Variants in TRIM11 observed in about 807,000 individuals in gnomAD.
TRIM11 encodes the protein tripartite motif containing 11.
In TRIM11, 15 loss-of-function variants were observed where a neutral mutation model predicts 33.4. That is an observed-to-expected ratio of 0.45 (90% CI 0.30 to 0.69). TRIM11 has a LOEUF of 0.69. TRIM11 is among the 30% of genes least tolerant of loss of function. The probability of loss-of-function intolerance (pLI) is 0.08; values close to 1 mark genes in which losing one functional copy is unlikely to be tolerated. For missense variants in TRIM11, 499 were observed against 667.6 expected, an observed-to-expected ratio of 0.75 and a Z score of 2.78; for synonymous variants, 281 against 302.6, an observed-to-expected ratio of 0.93 and a Z score of 0.74.
chr1:228,405,922 G>A, intron 1 of TRIM11: 1 of 417,854 alleles, frequency 2.4e-6, no homozygotes. Context: ...TCTCATTGGC[G>A]GCCATGGTCC....
rs1041310746 is a variant in TRIM11 at position 228,394,007 on chromosome 1, G to T, written c.*698C>A. On this transcript the variant is annotated 3_prime_UTR_variant, in exon 6 of 6. Coordinates refer to ENST00000284551, the MANE Select transcript of TRIM11 (RefSeq NM_145214.3). The surrounding 1 kb of genome is among the most constrained non-coding windows in gnomAD (Gnocchi z 6.2). ...ACGAAAGCTTCAAGTCAGAACGTGGGCCTGCAAAAGACATTTCTGGGCTCT... is the reference window on the plus strand; with the variant it reads ...ACGAAAGCTTCAAGTCAGAACGTGGTCCTGCAAAAGACATTTCTGGGCTCT... The T allele has an allele frequency of 2.6e-5, 4 of 152,234 alleles. No individual in the cohort carries two copies. The highest frequency in any genetic ancestry group is 9.6e-5 in the African/African-American group (4 of 41,452). The allele number at this position is 152,234 out of a possible 1,614,324, so 9.4% of individuals were successfully genotyped here.
At chr1:228,396,557 C>A in intron 5 of TRIM11, 1 of 635,668 alleles carries the variant, frequency 1.6e-6, no homozygotes. Flanking sequence ...ATGCTCACAT[C>A]TGCAGAGGCG....
In TRIM11 at chr1:228,395,258, G is replaced by A; in HGVS notation, c.860-6C>T. 2.1e-6 allele frequency: 3 copies of A among 1,450,688 alleles called. No individual in the cohort carries two copies. The highest frequency in any genetic ancestry group is 2.7e-6 in the Non-Finnish European group (3 of 1,106,286). 89.9% of individuals were successfully genotyped at this position (1,450,688 alleles called of 1,614,324 possible). ...CGGGTCCAAGGTCACGTCCCCTGCA[G>A]AGAGAGGCCCAAGGTCACCCAGGCA... is the stretch of plus-strand genomic sequence containing the variant. On this transcript the variant is annotated splice_polypyrimidine_tract_variant and splice_region_variant and intron_variant, in intron 5 of 5. Transcript: ENST00000284551. This position sits in a 1 kb window ranked among gnomAD's most constrained non-coding sequence, Gnocchi z 4.8.
chr1:228,394,753 A>G lies in TRIM11; in HGVS notation c.1359T>C (p.Thr453=). 6.2e-7 allele frequency: 1 copy of G among 1,612,808 alleles called. No homozygotes were observed. The highest frequency in any genetic ancestry group is 8.5e-7 in the Non-Finnish European group (1 of 1,179,180). ...SPLSSSPTPM[T]ICRPKGGSGD... ...CGGACCCACCTTTCGGCCGGCAGAT[A>G]GTCATCGGGGTCGGGCTGCTGGACA... The change falls in exon 6 of 6, where the codon ACT becomes ACC. Residue 453 remains threonine, a synonymous_variant. Coordinates refer to ENST00000284551, the MANE Select transcript of TRIM11 (RefSeq NM_145214.3). The surrounding 1 kb of genome is among the most constrained non-coding windows in gnomAD (Gnocchi z 6.2).
chr1:228,399,878 A>AC (rs1303831247), intron 3 of TRIM11, among the ~76,000 whole-genome samples: 1 of 45,652 alleles, frequency 2.2e-5, no homozygotes, highest in Non-Finnish European at 4.8e-5. Flanking sequence ...CCTTAAATCT[A>AC]CAAAAAAAAA....
rs1474979380 is a variant in TRIM11, at chr1:228,400,141, C to A, written c.735+823G>T. Among the ~76,000 whole-genome samples, 1 of 152,200 alleles carries A rather than the reference C, an allele frequency of 6.6e-6. No individual in the cohort carries two copies. Among genetic ancestry groups the A allele is most frequent in the Non-Finnish European group, 1.5e-5 (1 of 68,034 alleles). ...TCTCCTCTGTGGGAGCCAGAATTGC[C>A]CAGGGGCCCATTTCCCTCTGAATCT... On this transcript the variant is annotated intron_variant, in intron 3 of 5. Transcript: ENST00000284551. The surrounding 1 kb of genome is among the most constrained non-coding windows in gnomAD (Gnocchi z 4.5).
rs2074971885 is a variant in TRIM11 at position 228,395,158 on chromosome 1, C to T, written c.954G>A (p.Leu318=). ...SVQRGDLRQA[L]PDSPERFDPG... ...GGTCAAAGCGCTCTGGGCTGTCCGG[C>T]AGGGCCTGCCGTAGGTCCCCCCGCT... Residue 318 remains leucine, a synonymous_variant, in exon 6 of 6, where the codon CTG becomes CTA. Coordinates refer to ENST00000284551, the MANE Select transcript of TRIM11 (RefSeq NM_145214.3). The surrounding 1 kb of genome is among the most constrained non-coding windows in gnomAD (Gnocchi z 4.8). 6.6e-7 allele frequency: 1 copy of T among 1,511,070 alleles called. No homozygotes were observed. The highest frequency in any genetic ancestry group is 2.4e-5 in the East Asian group (1 of 41,884). 93.6% of individuals were successfully genotyped at this position (1,511,070 alleles called of 1,614,324 possible).
rs930379202 is a variant in TRIM11 at position 228,406,030 on chromosome 1, G to A, written c.408+124C>T. The stretch of plus-strand genomic sequence containing the variant: ...ACAGGCCCACAGCAGGCTGCATCCT[G>A]AGCTCCCCGCCCTAGACAGAGACAG... On this transcript the variant is annotated intron_variant, in intron 1 of 5. Transcript: ENST00000284551. This position sits in a 1 kb window ranked among gnomAD's most constrained non-coding sequence, Gnocchi z 8.2. 21 of 1,159,918 alleles carry A rather than the reference G, an allele frequency of 1.8e-5. No individual in the cohort carries two copies. In the African/African-American group the frequency reaches 2.9e-4, roughly 16 times the overall value. The allele number at this position is 1,159,918 out of a possible 1,614,324, so 71.9% of individuals were successfully genotyped here.
In TRIM11 at chr1:228,396,950, G is replaced by C. The variant is rs766676077; in HGVS notation, c.856C>G (p.Arg286Gly). The change falls in exon 5 of 6, where the codon CGA becomes GGA. Residue 286 changes from arginine (R) to glycine (G), a missense_variant. By Grantham distance (125) the Arg-to-Gly change is moderately radical. Transcript: ENST00000284551. Reference protein sequence around the residue: ...PGLVETLRRFRGDVTLDPDTA... With the variant: ...PGLVETLRRFGGDVTLDPDTA... Reference sequence around the variant, plus strand: ...CACCTGGGGCCTCCACACCTACCTCGAAACCTCCGCAGTGTCTCTACCAGT... The same window carrying C: ...CACCTGGGGCCTCCACACCTACCTCCAAACCTCCGCAGTGTCTCTACCAGT... The C allele has an allele frequency of 2.5e-6, 4 of 1,613,854 alleles. No individual in the cohort carries two copies. Among genetic ancestry groups the C allele is most frequent in the Non-Finnish European group, 3.4e-6 (4 of 1,179,962 alleles).
chr1:228,397,927 C>G (rs1038613249), intron 3 of TRIM11, among the ~76,000 whole-genome samples: 6 of 152,200 alleles, frequency 3.9e-5, no homozygotes, highest in African/African-American at 1.4e-4. Context: ...CATCTACAGG[C>G]CCAAGAGATA....
chr1:228,400,627 G>A lies in TRIM11; in HGVS notation c.735+337C>T, dbSNP rs945093608. On this transcript the variant is annotated intron_variant, in intron 3 of 5. Transcript: ENST00000284551. This position sits in a 1 kb window ranked among gnomAD's most constrained non-coding sequence, Gnocchi z 4.5. ...GGGAGGCCCAAGGTGGTCCCAGCGA[G>A]CACATGCCCACTCTGCTGTGCCCAC... Among the ~76,000 whole-genome samples, 1 of 152,202 alleles carries A rather than the reference G, an allele frequency of 6.6e-6. No homozygotes were observed. The highest frequency in any genetic ancestry group is 1.9e-4 in the East Asian group (1 of 5,196).
rs767860709 is a variant in TRIM11 at position 228,397,053 on chromosome 1, G to A, written c.759-6C>T. ...GCAGCTTCACATCCTGGACCCTAGAGGGGACAACCCAGGTGTTGTCGCCAT... is the reference window on the plus strand; with the variant it reads ...GCAGCTTCACATCCTGGACCCTAGAAGGGACAACCCAGGTGTTGTCGCCAT... On this transcript the variant is annotated splice_polypyrimidine_tract_variant and splice_region_variant and intron_variant, in intron 4 of 5. Coordinates refer to ENST00000284551, the MANE Select transcript of TRIM11 (RefSeq NM_145214.3). 4 of 1,613,798 alleles carry A rather than the reference G, an allele frequency of 2.5e-6. No individual in the cohort carries two copies. Among genetic ancestry groups the A allele is most frequent in the Admixed American group, 3.3e-5 (2 of 59,970 alleles).
intron 5 of TRIM11, chr1:228,396,570 G>A: frequency 1.5e-6 from 1 of 647,906 alleles, no homozygotes; most frequent in East Asian, 2.7e-5. Flanking sequence ...CAGAGGCGCT[G>A]AGGGAACAGA....
chr1:228,399,685 C>T (rs2075015030), intron 3 of TRIM11, among the ~76,000 whole-genome samples: 1 of 152,016 alleles, frequency 6.6e-6, no homozygotes, highest in Non-Finnish European at 1.5e-5. Context: ...CTCAGTCTTT[C>T]TACAGACGCT....
Position 228,403,920 on chromosome 1 carries a change from G to C in TRIM11, c.409-1759C>G. On this transcript the variant is annotated intron_variant, in intron 1 of 5. Transcript: ENST00000284551. This position sits in a 1 kb window ranked among gnomAD's most constrained non-coding sequence, Gnocchi z 4.8. Reference sequence around the variant, plus strand: ...TCCGCCCACCTCGGCCTCCCAAATTGCTGGGATTACAGGCGTGAGCCACCA... The same window carrying C: ...TCCGCCCACCTCGGCCTCCCAAATTCCTGGGATTACAGGCGTGAGCCACCA... The C allele has an allele frequency of 6.6e-6, 1 of 152,370 alleles. No homozygotes were observed. The highest frequency in any genetic ancestry group is 1.5e-5 in the Non-Finnish European group (1 of 68,080). 9.4% of individuals were successfully genotyped at this position (152,370 alleles called of 1,614,324 possible).
In TRIM11 at chr1:228,402,104, A is replaced by C; in HGVS notation, c.466T>G (p.Phe156Val). 6.2e-7 allele frequency: 1 copy of C among 1,613,212 alleles called. No individual in the cohort carries two copies. The highest frequency in any genetic ancestry group is 1.3e-5 in the African/African-American group (1 of 74,984). ...LRKQMQDALL[F>V]QAQADETCVL... ...CAGGTCTCATCCGCCTGGGCTTGGA[A>C]CAGCAACGCATCCTGCATCTGCTTC... Residue 156 changes from phenylalanine (F) to valine (V), a missense_variant, in exon 2 of 6, where the codon TTC (phenylalanine) becomes GTC (valine). By Grantham distance (50) the Phe-to-Val change is conservative (BLOSUM62 -1). Transcript: ENST00000284551.
intron 3 of TRIM11, among the ~76,000 whole-genome samples, chr1:228,397,895 T>C (rs955655813): frequency 3.3e-5 from 5 of 152,086 alleles, no homozygotes; most frequent in African/African-American, 9.7e-5. Flanking sequence ...GGAGACCCTG[T>C]GAGGATACAG....
rs2074977508 is a variant in TRIM11, at chr1:228,395,530, T to C, written c.860-278A>G. 3.0e-6 allele frequency: 1 copy of C among 332,408 alleles called. No individual in the cohort carries two copies. The highest frequency in any genetic ancestry group is 4.7e-5 in the Admixed American group (1 of 21,156). 20.6% of individuals were successfully genotyped at this position (332,408 alleles called of 1,614,324 possible). On this transcript the variant is annotated intron_variant, in intron 5 of 5. Coordinates refer to ENST00000284551, the MANE Select transcript of TRIM11 (RefSeq NM_145214.3). The surrounding 1 kb of genome is among the most constrained non-coding windows in gnomAD (Gnocchi z 4.8). ...GAATCTTGGTTGCTTTTTTTTTTTT[T>C]TTTAAAGAGGCAGGGTCTTGCTCTG...
chr1:228,402,192 C>A, intron 1 of TRIM11, 31 bp from the exon 2 acceptor site: 1 of 1,567,316 alleles, frequency 6.4e-7, no homozygotes, highest in Non-Finnish European at 8.7e-7. Flanking sequence ...GACCATGAGA[C>A]ATGAGTCCTG....
Sources: allele counts gnomAD v4.1 joint callset (sites outside exome capture counted in the v4.1 genomes callset), GRCh38; gene constraint gnomAD v4.1.1; non-coding constraint Gnocchi (gnomAD v3.1); transcripts MANE v1.5; gene names NCBI Gene and HGNC (gene_info 2026-07-23, HGNC 2026-07-21).